POGLUT3: variants seen among roughly 807,000 people sequenced by gnomAD.
The protein encoded by POGLUT3 is protein O-glucosyltransferase 3, also known as KDEL (Lys-Asp-Glu-Leu) containing 2.
POGLUT3 carries 48 observed loss-of-function variants against 54.3 expected under a neutral mutation model. The ratio of observed to expected loss-of-function variants is 0.88; its 90% CI spans 0.70 to 1.12. POGLUT3 has a LOEUF of 1.12. POGLUT3 is among the 50% of genes most tolerant of loss of function. The probability of loss-of-function intolerance (pLI) is 0.00; values close to 1 mark genes in which losing one functional copy is unlikely to be tolerated. For synonymous variants in POGLUT3, 218 were observed against 237.4 expected, an observed-to-expected ratio of 0.92 and a Z score of 0.75; for missense variants, 629 against 618.7, an observed-to-expected ratio of 1.02 and a Z score of -0.18.
intron 5 of POGLUT3, 73 bp from the exon 6 acceptor site, chr11:108,479,568 G>T: frequency 9.4e-7 from 1 of 1,067,514 alleles, no homozygotes; most frequent in African/African-American, 1.6e-5. Flanking sequence ...CATCAACACT[G>T]TAATACCAAC....
At position 108,491,115 on chromosome 11, in the gene POGLUT3, G is replaced by C. The variant is rs565858741; in HGVS notation, c.255C>G (p.Val85=). 4.7e-5 allele frequency: 75 copies of C among 1,610,800 alleles called. No individual in the cohort carries two copies. Among genetic ancestry groups the C allele is most frequent in the Non-Finnish European group, 4.2e-5 (49 of 1,178,676 alleles). Residue 85 remains valine (V), a synonymous_variant, in exon 2 of 8, where the codon GTC becomes GTG. Coordinates refer to ENST00000323468, the MANE Select transcript of POGLUT3 (RefSeq NM_153705.5). ...CCAAAGGTTTAGGGACATGTATCCG[G>C]ACCAACTCTTTAGGTGAAAGAGATT... ...VVKSLSPKEL[V]RIHVPKPLDR...
At chr11:108,495,730 T>C (rs911926533) in intron 1 of POGLUT3, among the ~76,000 whole-genome samples, 1 of 152,004 alleles carries the variant, frequency 6.6e-6, no homozygotes, top group Non-Finnish European at 1.5e-5. Context: ...ACAATCATAA[T>C]GCACTGCAAC....
rs1286195731 is a variant in POGLUT3, at chr11:108,482,057, C to G, written c.850G>C (p.Glu284Gln). Reference sequence around the variant, plus strand: ...TCATTTGTAACACCCCGCATGGCTTCAAGCATGGAGTGGGTGATGTCATAC... The same window carrying G: ...TCATTTGTAACACCCCGCATGGCTTGAAGCATGGAGTGGGTGATGTCATAC... ...PTYDITHSML[E>Q]AMRGVTNDLL... Residue 284 changes from glutamate to glutamine, a missense_variant, in exon 4 of 8, where the codon GAA (glutamate) becomes CAA (glutamine). Physicochemically the swap from Glu to Gln is conservative, Grantham distance 29. Transcript: ENST00000323468. 6.2e-6 allele frequency: 10 copies of G among 1,614,122 alleles called. No individual in the cohort carries two copies. Among genetic ancestry groups the G allele is most frequent in the Non-Finnish European group, 8.5e-6 (10 of 1,180,014 alleles).
chr11:108,475,454 G>GTTTTTTTTTTTTTTTTTTTTTT (rs1182179068), intron 7 of POGLUT3, among the ~76,000 whole-genome samples: 1 of 109,350 alleles, frequency 9.1e-6, no homozygotes, highest in Non-Finnish European at 1.9e-5. Context: ...TATAAATGGA[G>GTTTTTTTTTTTTTTTTTTTTTT]TTTTTTTTGT....
chr11:108,481,506 T>TGA (rs2093592497), intron 4 of POGLUT3, 130 bp from the exon 5 acceptor site: 1 of 686,362 alleles, frequency 1.5e-6, no homozygotes, highest in East Asian at 3.2e-5. Flanking sequence ...TCTTCTAAAG[T>TGA]AGATGTTATT....
At chr11:108,486,013 CATG>C in intron 3 of POGLUT3, 141 bp downstream of exon 3, 1 of 662,502 alleles carries the variant, frequency 1.5e-6, no homozygotes. Flanking sequence ...AGATGGAGAA[CATG>C]ATGAACACTC....
At position 108,474,689 on chromosome 11, in the gene POGLUT3, C is replaced by T. The variant is rs1356261443; in HGVS notation, c.*138G>A. ...GATGAGGGATACTCAACCAGTACTGCTATATCCATCTACATATATAAAGCC... is the reference window on the plus strand; with the variant it reads ...GATGAGGGATACTCAACCAGTACTGTTATATCCATCTACATATATAAAGCC... On this transcript the variant is annotated 3_prime_UTR_variant, in exon 8 of 8. Transcript: ENST00000323468. 1 of 846,276 alleles carries T rather than the reference C, an allele frequency of 1.2e-6. No individual in the cohort carries two copies. Among genetic ancestry groups the T allele is most frequent in the Non-Finnish European group, 1.9e-6 (1 of 539,316 alleles). The allele number at this position is 846,276 out of a possible 1,614,324, so 52.4% of individuals were successfully genotyped here.
At chr11:108,496,149 A>G (rs2093621894) in intron 1 of POGLUT3, among the ~76,000 whole-genome samples, 1 of 152,088 alleles carries the variant, frequency 6.6e-6, no homozygotes, top group Non-Finnish European at 1.5e-5. Flanking sequence ...GTAAGCTAAC[A>G]ATGATTCTTA....
chr11:108,485,530 A>C (rs2093601373), intron 3 of POGLUT3, among the ~76,000 whole-genome samples: 1 of 152,192 alleles, frequency 6.6e-6, no homozygotes, highest in African/African-American at 2.4e-5. Flanking sequence ...TTTGAAAAAA[A>C]GAATAAGAAG....
chr11:108,485,320 A>G (rs922788695), intron 3 of POGLUT3, among the ~76,000 whole-genome samples: 1 of 152,186 alleles, frequency 6.6e-6, no homozygotes, highest in Non-Finnish European at 1.5e-5. Context: ...AGTAGTATTC[A>G]GCGGAACAGA....
intron 6 of POGLUT3, 72 bp from the exon 7 acceptor site, chr11:108,477,783 G>T: frequency 1.1e-6 from 1 of 947,098 alleles, no homozygotes; most frequent in Non-Finnish European, 1.7e-6. Context: ...TTAAGTGTGA[G>T]GTGGGACAGA....
intron 2 of POGLUT3, among the ~76,000 whole-genome samples, chr11:108,489,198 AT>A (rs1353191723): frequency 6.6e-6 from 1 of 152,206 alleles, no homozygotes; most frequent in Non-Finnish European, 1.5e-5. Context: ...AGAAAAAAGA[AT>A]TTAAAAAATG....
At chr11:108,497,455 G>A (rs1402801704) in intron 1 of POGLUT3, among the ~76,000 whole-genome samples, 1 of 152,146 alleles carries the variant, frequency 6.6e-6, no homozygotes, top group East Asian at 1.9e-4. Flanking sequence ...TTATACATTA[G>A]CAAATCCTGA....
At chr11:108,477,795 G>T in intron 6 of POGLUT3, 84 bp from the exon 7 acceptor site, 1 of 871,164 alleles carries the variant, frequency 1.1e-6, no homozygotes, top group East Asian at 2.4e-5. Flanking sequence ...TGGGACAGAT[G>T]TGGGGTTGAA....
At chr11:108,497,342 T>C (rs2093623942) in intron 1 of POGLUT3, among the ~76,000 whole-genome samples, 2 of 152,378 alleles carry the variant, frequency 1.3e-5, no homozygotes, top group South Asian at 4.1e-4. Flanking sequence ...GACACACTTC[T>C]GGCAGCTATG....
Position 108,498,216 on chromosome 11 carries a change from A to T in POGLUT3, c.151T>A (p.Tyr51Asn). Residue 51 changes from tyrosine to asparagine, a missense_variant, in exon 1 of 8, where the codon TAC becomes AAC. Coordinates refer to ENST00000323468, the MANE Select transcript of POGLUT3 (RefSeq NM_153705.5). ...AAVVLPVRYF[Y>N]LQAVNSEGQN... ...CCCTCCGAGTTGACCGCCTGCAGGT[A>T]GAAATAGCGGACCGGCAGGACGACG... is the stretch of plus-strand genomic sequence containing the variant. 2.0e-6 allele frequency: 3 copies of T among 1,520,096 alleles called. No homozygotes were observed. Among genetic ancestry groups the T allele is most frequent in the Non-Finnish European group, 2.6e-6 (3 of 1,135,746 alleles). 94.2% of individuals were successfully genotyped at this position (1,520,096 alleles called of 1,614,324 possible). A position where few individuals can be genotyped will look rare whatever the true frequency, so the allele number is the denominator to read the frequency against.
intron 1 of POGLUT3, among the ~76,000 whole-genome samples, chr11:108,496,928 C>T (rs1002234210): frequency 6.6e-6 from 1 of 152,234 alleles, no homozygotes; most frequent in Non-Finnish European, 1.5e-5. Context: ...GTCTCCTACG[C>T]CTCTGTGCTT....
At chr11:108,491,686 G>C (rs964116740) in intron 1 of POGLUT3, among the ~76,000 whole-genome samples, 2 of 152,170 alleles carry the variant, frequency 1.3e-5, no homozygotes, top group Admixed American at 6.5e-5. Context: ...ACAGAGCTTG[G>C]TCTGGTTCAT....
chr11:108,486,539 TC>T, intron 2 of POGLUT3, 99 bp from the exon 3 acceptor site: 1 of 1,235,834 alleles, frequency 8.1e-7, no homozygotes, highest in Non-Finnish European at 1.1e-6. Context: ...TCTAAGATTA[TC>T]CAGAGATAAT....
Sources: gnomAD v4.1 joint callset for allele counts (sites outside exome capture counted in the v4.1 genomes callset) on GRCh38, gnomAD v4.1.1 for gene constraint, MANE v1.5 for transcripts, NCBI Gene and HGNC (gene_info 2026-07-23, HGNC 2026-07-21) for gene names.